BRWD1: variants seen among roughly 807,000 people sequenced by gnomAD.
BRWD1 encodes the protein bromodomain and WD repeat domain containing 1.
BRWD1 carries 82 observed loss-of-function variants against 251.2 expected under a neutral mutation model. The observed-to-expected ratio is 0.33, with a 90% CI of 0.27 to 0.39. The LOEUF (loss-of-function observed/expected upper bound fraction) is 0.39, where lower values mean the gene tolerates loss of function less well. BRWD1 is among the 10% of genes least tolerant of loss of function. BRWD1 has a pLI of 1.00. For synonymous variants in BRWD1, 918 were observed against 902.8 expected (o/e 1.02, Z -0.30); for missense variants, 2,233 against 2,711.6 (o/e 0.82, Z 3.92).
chr21:39,189,470 T>C lies in BRWD1; in HGVS notation c.*6789A>G, dbSNP rs1319460739. ...TTGTCATCCAGAATAATGGAAAAGT[T>C]AAGATTCTGCAGGAAAAAAAAAACT... On this transcript the variant is annotated 3_prime_UTR_variant, in exon 41 of 41. Transcript: ENST00000342449. 14 of 974,688 alleles carry C rather than the reference T, an allele frequency of 1.4e-5. No individual in the cohort carries two copies. The highest frequency in any genetic ancestry group is 1.8e-5 in the African/African-American group (1 of 56,812). The allele number at this position is 974,688 out of a possible 1,614,324, so 60.4% of individuals were successfully genotyped here.
At position 39,270,368 on chromosome 21, in the gene BRWD1, T is replaced by C. The variant is rs1257803840; in HGVS notation, c.1310A>G (p.Asn437Ser). The change falls in exon 14 of 41, where the codon AAT (asparagine) becomes AGT (serine). Residue 437 changes from asparagine to serine, a missense_variant. Coordinates refer to ENST00000342449, the MANE Select transcript of BRWD1 (RefSeq NM_033656.4). ...PKVTMIAWNQ[N>S]DSIVVTAVND... is the part of the protein sequence containing the mutation. ...CACAGCTGTGACAACAATGCTATCATTTTGATTCCAAGCTATCATTGTTAC... is the reference window on the plus strand; with the variant it reads ...CACAGCTGTGACAACAATGCTATCACTTTGATTCCAAGCTATCATTGTTAC... The C allele has an allele frequency of 6.2e-7, 1 of 1,613,030 alleles. No individual in the cohort carries two copies. Among genetic ancestry groups the C allele is most frequent in the East Asian group, 2.2e-5 (1 of 44,816 alleles).
chr21:39,236,560 G>A (rs1601349386), intron 23 of BRWD1, 35 bp downstream of exon 23: 9 of 1,484,314 alleles, frequency 6.1e-6, no homozygotes, highest in Non-Finnish European at 7.3e-6. Context: ...GGGGTATCAT[G>A]ATACATGCTA....
intron 27 of BRWD1, among the ~76,000 whole-genome samples, chr21:39,227,334 C>T (rs532250459): frequency 2.6e-4 from 40 of 151,244 alleles, no homozygotes; most frequent in African/African-American, 9.2e-4. Flanking sequence ...ACACAAGCTC[C>T]CTGGATAGCA....
chr21:39,234,644 T>C (rs947693800), intron 23 of BRWD1, among the ~76,000 whole-genome samples: 7 of 152,146 alleles, frequency 4.6e-5, no homozygotes, highest in African/African-American at 1.7e-4. Context: ...TTTTACAATT[T>C]AAATGGGGCA....
chr21:39,285,871 CAAAAAAAA>C (rs113834787), intron 8 of BRWD1, among the ~76,000 whole-genome samples: 25 of 101,444 alleles, frequency 2.5e-4, no homozygotes, highest in African/African-American at 8.6e-4. Flanking sequence ...GCCCAGTCAA[CAAAAAAAA>C]AAAAAAAAAA....
intron 4 of BRWD1, among the ~76,000 whole-genome samples, chr21:39,301,740 A>C (rs2036118913): frequency 6.6e-6 from 1 of 152,138 alleles, no homozygotes; most frequent in Non-Finnish European, 1.5e-5. Flanking sequence ...TCATGACTAC[A>C]GGACAACATA....
At chr21:39,251,989 G>A (rs117507201) in intron 19 of BRWD1, among the ~76,000 whole-genome samples, 3,192 of 152,110 alleles carry the variant, frequency 0.021, 151 homozygotes, top group Admixed American at 0.12. Flanking sequence ...TTATACGGCC[G>A]GGCGCAGTGG....
At chr21:39,237,163 C>T (rs376169106) in intron 22 of BRWD1, among the ~76,000 whole-genome samples, 2 of 152,204 alleles carry the variant, frequency 1.3e-5, no homozygotes, top group East Asian at 1.9e-4. Flanking sequence ...CCACCACTAC[C>T]CCCATGTTGG....
chr21:39,264,457 T>A lies in BRWD1; in HGVS notation c.1885+3A>T. 1 of 1,535,590 alleles carries A rather than the reference T, an allele frequency of 6.5e-7. No individual in the cohort carries two copies. The highest frequency in any genetic ancestry group is 1.7e-4 in the Middle Eastern group (1 of 5,808). On this transcript the variant is annotated splice_donor_region_variant and intron_variant, in intron 17 of 40. Coordinates refer to ENST00000342449, the MANE Select transcript of BRWD1 (RefSeq NM_033656.4). Reference sequence around the variant, plus strand: ...AAAAAAAAAAAAAAAAGACTGCACTTACTTGTTGCCACATAGCCCAGCTGT... The same window carrying A: ...AAAAAAAAAAAAAAAAGACTGCACTAACTTGTTGCCACATAGCCCAGCTGT...
rs368698430 is a variant in BRWD1 at position 39,215,761 on chromosome 21, G to C, written c.3660-399C>G. Among the ~76,000 whole-genome samples the C allele has an allele frequency of 5.8e-4, 88 of 152,226 alleles. 2 individuals are homozygous for C. The highest frequency in any genetic ancestry group is 2.1e-3 in the African/African-American group (86 of 41,560). ...GTAATCCCAGCACTTTGGGAGGACA[G>C]GGCAGGAGGACAGCATGAGCCCAGG... On this transcript the variant is annotated intron_variant, in intron 31 of 40. Coordinates refer to ENST00000342449, the MANE Select transcript of BRWD1 (RefSeq NM_033656.4).
At chr21:39,210,469 A>G (rs561009863) in intron 35 of BRWD1, among the ~76,000 whole-genome samples, 1 of 152,140 alleles carries the variant, frequency 6.6e-6, no homozygotes, top group Non-Finnish European at 1.5e-5. Context: ...CCCTTTTTAA[A>G]GAGTGCAAAC....
chr21:39,313,338 GA>G, intron 1 of BRWD1, 39 bp from the exon 2 acceptor site: 1 of 1,512,792 alleles, frequency 6.6e-7, no homozygotes, highest in Non-Finnish European at 8.9e-7. Context: ...CCCCGGCGGG[GA>G]GGGGAGGGGG....
chr21:39,286,721 G>C (rs778625916), intron 8 of BRWD1, among the ~76,000 whole-genome samples: 2 of 150,526 alleles, frequency 1.3e-5, no homozygotes, highest in South Asian at 4.2e-4. Flanking sequence ...TCATTATGTT[G>C]GTCAGGCTGG....
chr21:39,296,282 C>T lies in BRWD1; in HGVS notation c.431G>A (p.Gly144Asp). 2 of 1,598,770 alleles carry T rather than the reference C, an allele frequency of 1.3e-6. No homozygotes were observed. The highest frequency in any genetic ancestry group is 1.7e-6 in the Non-Finnish European group (2 of 1,174,384). The change falls in exon 6 of 41, where the codon GGT (glycine) becomes GAT (aspartate). Residue 144 changes from glycine to aspartate, a missense_variant. Gly to Asp is a moderately conservative substitution (Grantham distance 94). Transcript: ENST00000342449. ...TTACTTACCAAGATTTGGTGGGGAA[C>T]CATAATTCACTGGCATTTCAGGAGG... Reference protein sequence around the residue: ...GRPPEMPVNYGSPPNLVEIHR... With the variant: ...GRPPEMPVNYDSPPNLVEIHR...
intron 20 of BRWD1, among the ~76,000 whole-genome samples, chr21:39,249,092 C>T (rs1283096781): frequency 6.6e-6 from 1 of 151,894 alleles, no homozygotes; most frequent in African/African-American, 2.4e-5. Flanking sequence ...AGGCCACTAT[C>T]CCAAGTGAAC....
chr21:39,194,526 T>C lies in BRWD1; in HGVS notation c.*1733A>G, dbSNP rs2031710766. The C allele has an allele frequency of 2.2e-5, 31 of 1,431,730 alleles. No homozygotes were observed. Among genetic ancestry groups the C allele is most frequent in the Non-Finnish European group, 2.6e-5 (29 of 1,098,784 alleles). The allele number at this position is 1,431,730 out of a possible 1,614,324, so 88.7% of individuals were successfully genotyped here. ...ATCATAGTTCTGAAATGGTGATAGC[T>C]CTCTAAGCCACAAATGAGAGGAGGT... On this transcript the variant is annotated 3_prime_UTR_variant, in exon 41 of 41. Transcript: ENST00000342449.
chr21:39,285,871 C>CAAAA (rs113834787), intron 8 of BRWD1, among the ~76,000 whole-genome samples: 1,581 of 98,930 alleles, frequency 0.016, 8 homozygotes, highest in East Asian at 0.021. Context: ...GCCCAGTCAA[C>CAAAA]AAAAAAAAAA....
At chr21:39,209,272 A>G (rs2146490864) in intron 36 of BRWD1, among the ~76,000 whole-genome samples, 2 of 152,134 alleles carry the variant, frequency 1.3e-5, no homozygotes, top group South Asian at 2.1e-4. Flanking sequence ...CTCAGAATCC[A>G]TGCCCTGAAC....
Position 39,295,813 on chromosome 21 carries a change from C to G in BRWD1, c.539G>C (p.Arg180Thr). The change falls in exon 7 of 41, where the codon AGA (arginine) becomes ACA (threonine). Residue 180 changes from arginine (R) to threonine (T), a missense_variant. Arg to Thr is a moderately conservative substitution (Grantham distance 71, BLOSUM62 -1). Around this residue, in one of 12 missense-constraint regions of BRWD1, gnomAD observed 185 missense variants for 260.6 expected, o/e 0.71. Transcript: ENST00000342449. ...GTMYQHIKMHRRILGHLSAVY... is the reference protein window; with the variant it reads ...GTMYQHIKMHTRILGHLSAVY... ...AGCAGATAGATGTCCGAGAATCCTTCTGTGCATTTTTATATGCTGATACAT... is the reference window on the plus strand; with the variant it reads ...AGCAGATAGATGTCCGAGAATCCTTGTGTGCATTTTTATATGCTGATACAT... 6.2e-7 allele frequency: 1 copy of G among 1,612,414 alleles called. No homozygotes were observed. The highest frequency in any genetic ancestry group is 8.5e-7 in the Non-Finnish European group (1 of 1,178,958).
Sources: allele counts gnomAD v4.1 joint callset (sites outside exome capture counted in the v4.1 genomes callset), GRCh38; gene constraint gnomAD v4.1.1; regional missense constraint gnomAD v4.1.1; transcripts MANE v1.5; gene names NCBI Gene and HGNC (gene_info 2026-07-23, HGNC 2026-07-21).